Variants in SUCO observed in about 807,000 individuals in gnomAD.
SUCO encodes SUN domain containing ossification factor, also known as SUN domain-containing ossification factor.
SUCO carries 57 observed loss-of-function variants against 148.1 expected under a neutral mutation model. The observed-to-expected ratio is 0.38, with a 90% CI of 0.31 to 0.48. SUCO has a LOEUF of 0.48. Among genes scored for constraint, SUCO ranks in the 20% least tolerant of loss-of-function variants. The probability of loss-of-function intolerance (pLI) is 0.96; values close to 1 mark genes in which losing one functional copy is unlikely to be tolerated. For synonymous variants in SUCO, 470 were observed against 502.7 expected (o/e 0.93, Z 0.87); for missense variants, 1,331 against 1,468.2 (o/e 0.91, Z 1.53).
chr1:172,600,145 A>G lies in SUCO; in HGVS notation c.2995A>G (p.Thr999Ala), dbSNP rs573134631. ...ACAGCTTGTTTCAAATTTATCAGCA[A>G]CAGTAGCAGAATTGAAACGGGAGGT... The part of the protein sequence containing the change: ...MTQLVSNLSA[T>A]VAELKREVSD... Residue 999 changes from threonine (T) to alanine (A), a missense_variant, in exon 20 of 24, where the codon ACA becomes GCA. Thr to Ala is a moderately conservative substitution (Grantham distance 58, BLOSUM62 0). This residue lies in a region of SUCO where 334 missense variants were observed against 352.3 expected (regional missense o/e 0.95). Coordinates refer to ENST00000263688, the MANE Select transcript of SUCO (RefSeq NM_014283.5). 3 of 1,611,622 alleles carry G rather than the reference A, an allele frequency of 1.9e-6. No homozygotes were observed. Among genetic ancestry groups the G allele is most frequent in the Admixed American group, 3.4e-5 (2 of 59,162 alleles).
rs548996509 is a variant in SUCO, at chr1:172,558,937, G to A, written c.732+1143G>A. ...AACTGTTTGTGAGTCTATGCTAATC[G>A]GCAAAAGAGTAGAATTTTAATTAAC... On this transcript the variant is annotated intron_variant, in intron 6 of 23. Coordinates refer to ENST00000263688, the MANE Select transcript of SUCO (RefSeq NM_014283.5). Among the ~76,000 whole-genome samples, 18 of 152,144 alleles carry A rather than the reference G, an allele frequency of 1.2e-4. No homozygotes were observed. In the South Asian group the frequency reaches 3.3e-3, roughly 28 times the overall value.
intron 20 of SUCO, 59 bp from the exon 21 acceptor site, chr1:172,602,005 C>T: frequency 6.7e-7 from 1 of 1,493,012 alleles, no homozygotes; most frequent in Non-Finnish European, 9.0e-7. Flanking sequence ...TTTAGATACC[C>T]TTATATTTTT....
At chr1:172,553,519 A>G (rs764844208) in intron 3 of SUCO, 149 bp downstream of exon 3, 14 of 439,856 alleles carry the variant, frequency 3.2e-5, no homozygotes, top group Non-Finnish European at 5.7e-5. Context: ...TTACCTGCTA[A>G]TAGTACTACT....
At chr1:172,594,012 ATGT>A (rs1423655343) in intron 19 of SUCO, among the ~76,000 whole-genome samples, 3 of 152,104 alleles carry the variant, frequency 2.0e-5, no homozygotes, top group African/African-American at 4.8e-5. Context: ...GGGAGGGTGT[ATGT>A]GTCCAGGAAT....
chr1:172,581,370 C>A (rs2149254704), intron 15 of SUCO, among the ~76,000 whole-genome samples: 1 of 152,198 alleles, frequency 6.6e-6, no homozygotes, highest in East Asian at 1.9e-4. Flanking sequence ...TCAGCTGAGT[C>A]TCTAAAATGA....
intron 11 of SUCO, among the ~76,000 whole-genome samples, chr1:172,576,104 CAAATA>C (rs1655418623): frequency 6.6e-6 from 1 of 151,780 alleles, no homozygotes; most frequent in Non-Finnish European, 1.5e-5. Context: ...GTACCAATTG[CAAATA>C]AAATAGAGTT....
chr1:172,547,503 C>A (rs1314977254), intron 1 of SUCO, among the ~76,000 whole-genome samples: 1 of 152,122 alleles, frequency 6.6e-6, no homozygotes, highest in African/African-American at 2.4e-5. Flanking sequence ...GAGAAAGACA[C>A]AATGAAGGAT....
intron 9 of SUCO, among the ~76,000 whole-genome samples, chr1:172,571,347 T>C (rs1295421435): frequency 6.6e-6 from 1 of 152,222 alleles, no homozygotes; most frequent in Non-Finnish European, 1.5e-5. Flanking sequence ...AGACGGAGTC[T>C]GGTTCACTCA....
intron 9 of SUCO, among the ~76,000 whole-genome samples, chr1:172,571,203 C>T (rs560105434): frequency 2.6e-4 from 40 of 152,374 alleles, no homozygotes; most frequent in Non-Finnish European, 4.0e-4. Flanking sequence ...CGATTGCAGG[C>T]GCGCGCCACC....
At chr1:172,542,749 A>G in intron 1 of SUCO, 1 of 985,468 alleles carries the variant, frequency 1.0e-6, no homozygotes, top group Non-Finnish European at 1.2e-6. Flanking sequence ...TTGAAAGAGA[A>G]CATTGGACTT....
chr1:172,557,148 T>C (rs1408082762), intron 4 of SUCO, 132 bp from the exon 5 acceptor site: 1 of 1,403,902 alleles, frequency 7.1e-7, no homozygotes, highest in Non-Finnish European at 9.3e-7. Context: ...AAGTCAGCAA[T>C]TGACTTTACA....
intron 15 of SUCO, among the ~76,000 whole-genome samples, chr1:172,579,551 T>C (rs1655719969): frequency 6.6e-6 from 1 of 152,100 alleles, no homozygotes; most frequent in Non-Finnish European, 1.5e-5. Context: ...GCTATGGATT[T>C]TCTTGGGGAA....
intron 18 of SUCO, chr1:172,590,380 T>A: frequency 2.0e-6 from 2 of 984,990 alleles, no homozygotes; most frequent in Non-Finnish European, 2.4e-6. Flanking sequence ...TGCAGTTTGC[T>A]CTCTTTTAAA....
chr1:172,605,437 T>C (rs1258494164), intron 22 of SUCO, among the ~76,000 whole-genome samples: 1 of 151,838 alleles, frequency 6.6e-6, no homozygotes, highest in Non-Finnish European at 1.5e-5. Context: ...CATTGAGTGG[T>C]CTTTGCACCC....
chr1:172,556,073 A>G (rs1653738699), intron 4 of SUCO, 50 bp downstream of exon 4: 3 of 1,478,176 alleles, frequency 2.0e-6, no homozygotes, highest in South Asian at 2.4e-5. Flanking sequence ...TTAGTTAGTG[A>G]TAGAAAAATT....
Position 172,602,710 on chromosome 1 carries a change from A to G in SUCO, c.3188A>G (p.Tyr1063Cys), listed in dbSNP as rs375004877. ...YPSPKRCFSS[Y>C]DDMNLKRRTS... ...TAATGTGTTAGGTGTTTCTCTTCCTATGATGATATGAATTTGAAAAGAAGA... is the reference window on the plus strand; with the variant it reads ...TAATGTGTTAGGTGTTTCTCTTCCTGTGATGATATGAATTTGAAAAGAAGA... Residue 1063 changes from tyrosine to cysteine, a missense_variant, in exon 22 of 24, where the codon TAT becomes TGT. By Grantham distance (194) the Tyr-to-Cys change is radical (BLOSUM62 -2). This residue lies in a region of SUCO where 334 missense variants were observed against 352.3 expected (regional missense o/e 0.95). Transcript: ENST00000263688. 2.5e-6 allele frequency: 4 copies of G among 1,612,742 alleles called. No individual in the cohort carries two copies. Among genetic ancestry groups the G allele is most frequent in the Middle Eastern group, 1.6e-4 (1 of 6,078 alleles).
At chr1:172,588,156 C>G (rs1306711781) in intron 17 of SUCO, 7 of 984,972 alleles carry the variant, frequency 7.1e-6, no homozygotes, top group Non-Finnish European at 7.2e-6. Flanking sequence ...AGTAGATAAT[C>G]CTATGTGTGT....
At chr1:172,533,643 C>T in intron 1 of SUCO, 146 bp downstream of exon 1, 1 of 1,043,824 alleles carries the variant, frequency 9.6e-7, no homozygotes, top group Non-Finnish European at 1.4e-6. Flanking sequence ...CTTCTCGACT[C>T]TCCATCTGAC....
At chr1:172,585,394 A>G (rs1039501640) in intron 16 of SUCO, 2 of 153,860 alleles carry the variant, frequency 1.3e-5, no homozygotes, top group Admixed American at 6.5e-5. Flanking sequence ...TGGTACTTCA[A>G]GTATGTTATT....
Sources: gnomAD v4.1 joint callset for allele counts (sites outside exome capture counted in the v4.1 genomes callset) on GRCh38, gnomAD v4.1.1 for gene constraint, gnomAD v4.1.1 regional missense constraint, MANE v1.5 for transcripts, NCBI Gene and HGNC (gene_info 2026-07-23, HGNC 2026-07-21) for gene names.